Variants in OSBPL3 observed in about 807,000 individuals in gnomAD.
The protein encoded by OSBPL3 is oxysterol binding protein like 3, also known as oxysterol-binding protein-related protein 3.
In OSBPL3, 65 loss-of-function variants were observed where a neutral mutation model predicts 120.1. The ratio of observed to expected loss-of-function variants is 0.54; its 90% CI spans 0.44 to 0.67. The LOEUF (loss-of-function observed/expected upper bound fraction) is 0.67, where lower values mean the gene tolerates loss of function less well. Ranked by LOEUF, OSBPL3 falls within the 30% of genes least tolerant of loss-of-function variation. The pLI is 0.00. For synonymous variants in OSBPL3, 416 were observed against 402.6 expected (o/e 1.03, Z -0.40); for missense variants, 1,004 against 1,082.1 (o/e 0.93, Z 1.01).
chr7:24,854,811 T>C lies in OSBPL3; in HGVS notation c.1028-2177A>G, dbSNP rs1799632078. 6.6e-6 allele frequency among the ~76,000 whole-genome samples: 1 copy of C among 152,208 alleles called. No homozygotes were observed. The highest frequency in any genetic ancestry group is 1.5e-5 in the Non-Finnish European group (1 of 68,034). ...CCACATTTGTAAATGGGGATAATAA[T>C]AACTTTTACTTTAAATGGTTGTCAT... is the stretch of plus-strand genomic sequence containing the variant. On this transcript the variant is annotated intron_variant, in intron 10 of 22. Transcript: ENST00000313367. This position sits in a 1 kb window ranked among gnomAD's most constrained non-coding sequence, Gnocchi z 4.1.
Position 24,800,062 on chromosome 7 carries a change from G to T in OSBPL3, c.*121C>A. ...AAATATAGACTTAAAGAGTTACAAT[G>T]CTAAGCTAAGCACAAGTGATCATCC... On this transcript the variant is annotated 3_prime_UTR_variant, in exon 23 of 23. Coordinates refer to ENST00000313367, the MANE Select transcript of OSBPL3 (RefSeq NM_015550.4). 1 of 566,178 alleles carries T rather than the reference G, an allele frequency of 1.8e-6. No individual in the cohort carries two copies. 35.1% of individuals were successfully genotyped at this position (566,178 alleles called of 1,614,324 possible). A position where few individuals can be genotyped will look rare whatever the true frequency, so the allele number is the denominator to read the frequency against.
In OSBPL3 at chr7:24,804,407, A is replaced by C. The variant is rs1011512580; in HGVS notation, c.2475T>G (p.Ala825=). The C allele has an allele frequency of 1.2e-6, 2 of 1,613,928 alleles. No homozygotes were observed. The highest frequency in any genetic ancestry group is 2.2e-5 in the South Asian group (2 of 91,064). The change falls in exon 22 of 23, where the codon GCT becomes GCG. Residue 825 remains alanine, a synonymous_variant. Coordinates refer to ENST00000313367, the MANE Select transcript of OSBPL3 (RefSeq NM_015550.4). This position sits in a 1 kb window ranked among gnomAD's most constrained non-coding sequence, Gnocchi z 5.4. The part of the protein sequence containing the change: ...RFLEEGNLEE[A]EIQKQRIEQL... ...GTTCAATCCTCTGCTTTTGTATTTC[A>C]GCTTCTTCTAAGTTCCCTTCCTCTA...
intron 2 of OSBPL3, among the ~76,000 whole-genome samples, chr7:24,878,706 G>T (rs1803206896): frequency 6.6e-6 from 1 of 152,212 alleles, no homozygotes; most frequent in Non-Finnish European, 1.5e-5. Flanking sequence ...AGGCCTGATA[G>T]CAATGGCAAT....
rs567774604 is a variant in OSBPL3, at chr7:24,804,880, T to G, written c.2445-443A>C. Among the ~76,000 whole-genome samples, 227 of 152,366 alleles carry G rather than the reference T, an allele frequency of 1.5e-3. 1 individual carries two copies. Among genetic ancestry groups the G allele is most frequent in the African/African-American group, 5.3e-3 (221 of 41,582 alleles). ...TGATTTTTGGTTTTGGTTTATTTTT[T>G]ATTTAACAATATATCTTACAGATCT... On this transcript the variant is annotated intron_variant, in intron 21 of 22. Coordinates refer to ENST00000313367, the MANE Select transcript of OSBPL3 (RefSeq NM_015550.4). This position sits in a 1 kb window ranked among gnomAD's most constrained non-coding sequence, Gnocchi z 5.4.
At position 24,862,431 on chromosome 7, in the gene OSBPL3, T is replaced by G. The variant is rs1800698271; in HGVS notation, c.871-662A>C. ...ATGTATCCAGGCGGTTAGTAATGGA[T>G]AGGTTTAAAATGCTTTTCTTTGCAC... On this transcript the variant is annotated intron_variant, in intron 9 of 22. Transcript: ENST00000313367. The surrounding 1 kb of genome is among the most constrained non-coding windows in gnomAD (Gnocchi z 4.4). 6.6e-6 allele frequency among the ~76,000 whole-genome samples: 1 copy of G among 152,186 alleles called. No individual in the cohort carries two copies. Among genetic ancestry groups the G allele is most frequent in the South Asian group, 2.1e-4 (1 of 4,828 alleles).
chr7:24,825,084 T>C (rs1795548440), intron 16 of OSBPL3, among the ~76,000 whole-genome samples: 2 of 152,188 alleles, frequency 1.3e-5, no homozygotes, highest in African/African-American at 4.8e-5. Flanking sequence ...TTATTCCAAG[T>C]GACTTGGGAA....
rs146249390 is a variant in OSBPL3, at chr7:24,947,932, G to T, written c.-150+31954C>A. Among the ~76,000 whole-genome samples, 183 of 152,214 alleles carry T rather than the reference G, an allele frequency of 1.2e-3. No homozygotes were observed. The highest frequency in any genetic ancestry group is 3.9e-3 in the African/African-American group (163 of 41,526). On this transcript the variant is annotated intron_variant, in intron 1 of 22. Transcript: ENST00000313367. This position sits in a 1 kb window ranked among gnomAD's most constrained non-coding sequence, Gnocchi z 4.4. ...TTCACTGTGTGCCAAAGATGCAAGA[G>T]ATTATATCACAGATTAAGCTTTAAG...
intron 17 of OSBPL3, among the ~76,000 whole-genome samples, chr7:24,816,931 T>G (rs117511458): frequency 1.3e-5 from 2 of 152,160 alleles, no homozygotes; most frequent in Non-Finnish European, 2.9e-5. Context: ...TGAAAACAAG[T>G]AGTAAGCACA....
chr7:24,801,858 A>T (rs138239650), intron 22 of OSBPL3, among the ~76,000 whole-genome samples: 285 of 152,310 alleles, frequency 1.9e-3, no homozygotes, highest in African/African-American at 6.7e-3. Context: ...CTTTTTATAC[A>T]GTTGTATGAT....
chr7:24,838,285 C>G (rs891885423), intron 14 of OSBPL3, among the ~76,000 whole-genome samples: 3 of 152,086 alleles, frequency 2.0e-5, no homozygotes, highest in African/African-American at 7.2e-5. Flanking sequence ...TACTTGAGGC[C>G]AGGAGTTCAA....
At chr7:24,810,857 C>T (rs768802030) in intron 19 of OSBPL3, among the ~76,000 whole-genome samples, 26 of 152,190 alleles carry the variant, frequency 1.7e-4, no homozygotes, top group Non-Finnish European at 3.1e-4. Flanking sequence ...GACAGGGTTT[C>T]CTTCTTTTTA....
At position 24,804,237 on chromosome 7, in the gene OSBPL3, G is replaced by C; in HGVS notation, c.2567+78C>G. On this transcript the variant is annotated intron_variant, in intron 22 of 22. Transcript: ENST00000313367. This position sits in a 1 kb window ranked among gnomAD's most constrained non-coding sequence, Gnocchi z 5.4. ...AATGCTCTTATCTGGGGACAGTACT[G>C]TTCACTTTCTGCAAACCAGAAGCAT... The C allele has an allele frequency of 6.4e-7, 1 of 1,550,428 alleles. No homozygotes were observed. The highest frequency in any genetic ancestry group is 8.9e-7 in the Non-Finnish European group (1 of 1,124,174).
At chr7:24,832,550 T>G in intron 15 of OSBPL3, among the ~76,000 whole-genome samples, 1 of 149,106 alleles carries the variant, frequency 6.7e-6, no homozygotes, top group Non-Finnish European at 1.5e-5. Context: ...AAAAATCAAC[T>G]GCACTCAAGT....
At chr7:24,961,268 T>A (rs918326701) in intron 1 of OSBPL3, among the ~76,000 whole-genome samples, 1 of 152,166 alleles carries the variant, frequency 6.6e-6, no homozygotes, top group South Asian at 2.1e-4. Context: ...AACTGTCTAA[T>A]ACTGACCTGG....
chr7:24,840,709 A>T lies in OSBPL3; in HGVS notation c.1476T>A (p.Asp492Glu). ...TCTTACCCAAGGTCTGTCTCTCATT[A>T]TCTAAATCATTACTGAGATTATCTA... Reference protein sequence around the residue: ...LSLDNLSNDLDNERQTLGPVL... With the variant: ...LSLDNLSNDLENERQTLGPVL... The change falls in exon 14 of 23, where the codon GAT (aspartate) becomes GAA (glutamate). Residue 492 changes from aspartate (D) to glutamate (E), a missense_variant. Asp to Glu is a conservative substitution (Grantham distance 45, BLOSUM62 2). Transcript: ENST00000313367. 1 of 1,433,974 alleles carries T rather than the reference A, an allele frequency of 7.0e-7. No homozygotes were observed. The highest frequency in any genetic ancestry group is 9.6e-7 in the Non-Finnish European group (1 of 1,041,126). 88.8% of individuals were successfully genotyped at this position (1,433,974 alleles called of 1,614,324 possible). A position where few individuals can be genotyped will look rare whatever the true frequency, so the allele number is the denominator to read the frequency against.
Position 24,865,382 on chromosome 7 carries a change from T to C in OSBPL3, c.633A>G (p.Leu211=). Residue 211 remains leucine (L), a synonymous_variant, in exon 7 of 23, where the codon TTA becomes TTG. Transcript: ENST00000313367. Reference sequence around the variant, plus strand: ...CCATGTCCTCTGAAGACTGTAACCATAATGGAACTCGTGTCTCACCACCAC... The same window carrying C: ...CCATGTCCTCTGAAGACTGTAACCACAATGGAACTCGTGTCTCACCACCAC... The part of the protein sequence containing the change: ...FSCGGETRVP[L]WLQSSEDMEK... The C allele has an allele frequency of 6.2e-7, 1 of 1,613,896 alleles. No homozygotes were observed. Among genetic ancestry groups the C allele is most frequent in the East Asian group, 2.2e-5 (1 of 44,872 alleles).
chr7:24,980,668 A>G (rs1818242351), upstream of OSBPL3, among the ~76,000 whole-genome samples: 1 of 151,824 alleles, frequency 6.6e-6, no homozygotes, highest in African/African-American at 2.4e-5. Context: ...GGAGTCGAGA[A>G]CAGAGGAAAT....
In OSBPL3 at chr7:24,849,468, C is replaced by T. The variant is rs1798875000; in HGVS notation, c.1159-292G>A. 1.4e-5 allele frequency: 3 copies of T among 219,542 alleles called. No individual in the cohort carries two copies. The highest frequency in any genetic ancestry group is 7.3e-5 in the South Asian group (1 of 13,614). The allele number at this position is 219,542 out of a possible 1,614,324, so 13.6% of individuals were successfully genotyped here. A position where few individuals can be genotyped will look rare whatever the true frequency, so the allele number is the denominator to read the frequency against. Reference sequence around the variant, plus strand: ...CAGAGAGGGAAGTCACAGACACTGTCGGCTTCTGTTAAGACCAGTGGTTCC... The same window carrying T: ...CAGAGAGGGAAGTCACAGACACTGTTGGCTTCTGTTAAGACCAGTGGTTCC... On this transcript the variant is annotated intron_variant, in intron 11 of 22. Transcript: ENST00000313367. This position sits in a 1 kb window ranked among gnomAD's most constrained non-coding sequence, Gnocchi z 5.4.
intron 1 of OSBPL3, among the ~76,000 whole-genome samples, chr7:24,979,662 T>G (rs1818022060): frequency 6.6e-6 from 1 of 152,064 alleles, no homozygotes. Flanking sequence ...GAAGGTGTCC[T>G]GGGGTGGGTG....
Sources: allele counts gnomAD v4.1 joint callset (sites outside exome capture counted in the v4.1 genomes callset), GRCh38; gene constraint gnomAD v4.1.1; non-coding constraint Gnocchi (gnomAD v3.1); transcripts MANE v1.5; gene names NCBI Gene and HGNC (gene_info 2026-07-23, HGNC 2026-07-21).